DAB1: variants seen among roughly 807,000 people sequenced by gnomAD.
DAB1 encodes the protein disabled homolog 1.
DAB1 carries 15 observed loss-of-function variants against 64.6 expected under a neutral mutation model. The ratio of observed to expected loss-of-function variants is 0.23; its 90% CI spans 0.16 to 0.36. DAB1 has a LOEUF of 0.36. Among genes scored for constraint, DAB1 ranks in the 10% least tolerant of loss-of-function variants. The pLI, the probability that DAB1 is intolerant of heterozygous loss-of-function variation, is 1.00. For synonymous variants in DAB1, 235 were observed against 251.9 expected, an observed-to-expected ratio of 0.93 and a Z score of 0.64; for missense variants, 596 against 706.7, an observed-to-expected ratio of 0.84 and a Z score of 1.78.
At chr1:57,542,055 C>A (rs983242127) in intron 7 of DAB1, among the ~76,000 whole-genome samples, 1 of 152,148 alleles carries the variant, frequency 6.6e-6, no homozygotes, top group Non-Finnish European at 1.5e-5. Flanking sequence ...TCCCATTTTA[C>A]TAATGAGTTA....
intron 1 of DAB1, among the ~76,000 whole-genome samples, chr1:57,368,423 A>G (rs1680238237): frequency 6.6e-6 from 1 of 152,112 alleles, no homozygotes; most frequent in Admixed American, 6.5e-5. Flanking sequence ...GGGCCCACCC[A>G]TGGCCAACCA....
chr1:57,590,782 ACC>A (rs932086868), intron 7 of DAB1, among the ~76,000 whole-genome samples: 4 of 126,376 alleles, frequency 3.2e-5, no homozygotes, highest in African/African-American at 8.5e-5. Context: ...ACACACACAC[ACC>A]CCACTCACAT....
upstream of DAB1, among the ~76,000 whole-genome samples, chr1:57,886,693 A>C (rs912313652): frequency 6.6e-6 from 1 of 152,178 alleles, no homozygotes; most frequent in African/African-American, 2.4e-5. Context: ...TCTAAAGAGC[A>C]AAGATGCCAT....
intron 2 of DAB1, among the ~76,000 whole-genome samples, chr1:57,287,984 C>T (rs372878725): frequency 4.0e-5 from 6 of 151,732 alleles, no homozygotes; most frequent in African/African-American, 1.2e-4. Context: ...TTAGTAGAGA[C>T]GGGGTTTCAC....
intron 2 of DAB1, among the ~76,000 whole-genome samples, chr1:57,181,311 C>A (rs544182576): frequency 3.3e-5 from 5 of 152,146 alleles, no homozygotes; most frequent in African/African-American, 1.2e-4. Flanking sequence ...TCGGACTTGA[C>A]GGTCCTAAGA....
upstream of DAB1, among the ~76,000 whole-genome samples, chr1:57,887,028 A>G (rs113878299): frequency 3.9e-5 from 6 of 152,022 alleles, no homozygotes; most frequent in African/African-American, 1.2e-4. Context: ...TTTTTTTATC[A>G]CTACCTTACA....
chr1:57,518,599 C>A (rs142000240), intron 7 of DAB1, among the ~76,000 whole-genome samples: 1 of 152,278 alleles, frequency 6.6e-6, no homozygotes, highest in Non-Finnish European at 1.5e-5. Flanking sequence ...TTAAGCCTCA[C>A]AGCTTGTCCC....
At chr1:57,387,690 C>T (rs547925929) in intron 1 of DAB1, among the ~76,000 whole-genome samples, 24 of 152,022 alleles carry the variant, frequency 1.6e-4, no homozygotes, top group Admixed American at 9.2e-4. Flanking sequence ...AGCATGGTGG[C>T]GCACACCTGT....
At chr1:57,111,093 G>A (rs1362699364) in intron 4 of DAB1, among the ~76,000 whole-genome samples, 2 of 151,980 alleles carry the variant, frequency 1.3e-5, no homozygotes, top group Non-Finnish European at 2.9e-5. Context: ...AACCAGGGTA[G>A]GTCTCCAGGA....
At chr1:57,088,655 C>G (rs931300050) in intron 4 of DAB1, among the ~76,000 whole-genome samples, 7 of 152,158 alleles carry the variant, frequency 4.6e-5, no homozygotes, top group African/African-American at 9.7e-5. Flanking sequence ...TTCCCTGACT[C>G]TACTCAAGCT....
intron 1 of DAB1, among the ~76,000 whole-genome samples, chr1:57,848,749 G>A (rs1449781866): frequency 6.6e-6 from 1 of 152,216 alleles, no homozygotes; most frequent in African/African-American, 2.4e-5. Context: ...CCCAAATCCA[G>A]GTTAGTCTAG....
At chr1:57,583,271 T>G (rs1645335209) in intron 7 of DAB1, among the ~76,000 whole-genome samples, 1 of 151,046 alleles carries the variant, frequency 6.6e-6, no homozygotes, top group African/African-American at 2.4e-5. Flanking sequence ...GAGCCTCGGT[T>G]TCTTGTTTTT....
intron 7 of DAB1, among the ~76,000 whole-genome samples, chr1:57,433,196 A>C (rs998480452): frequency 2.0e-5 from 3 of 152,188 alleles, no homozygotes; most frequent in African/African-American, 7.2e-5. Flanking sequence ...CTTTTTGAAA[A>C]AACTGACAAG....
chr1:57,941,641 C>G (rs965297669), intron 5 of DAB1, among the ~76,000 whole-genome samples: 1 of 152,140 alleles, frequency 6.6e-6, no homozygotes, highest in African/African-American at 2.4e-5. Context: ...TCGAGACCAT[C>G]CTGGCTAACA....
chr1:58,434,814 C>T (rs1644923872), intron 3 of DAB1, among the ~76,000 whole-genome samples: 1 of 152,196 alleles, frequency 6.6e-6, no homozygotes, highest in African/African-American at 2.4e-5. Context: ...TCCCAGCTCA[C>T]TCACTTCCTT....
chr1:58,060,884 G>A (rs886319702), intron 5 of DAB1, among the ~76,000 whole-genome samples: 1 of 152,248 alleles, frequency 6.6e-6, no homozygotes, highest in African/African-American at 2.4e-5. Context: ...TTCCTCGGCA[G>A]GGGAATGCCA....
intron 5 of DAB1, among the ~76,000 whole-genome samples, chr1:57,934,414 GA>G (rs1325346386): frequency 6.6e-6 from 1 of 152,132 alleles, no homozygotes; most frequent in Non-Finnish European, 1.5e-5. Flanking sequence ...TAGAGAGTTA[GA>G]AAGAAAAGTT....
intron 6 of DAB1, among the ~76,000 whole-genome samples, chr1:57,759,159 G>A (rs1648955828): frequency 6.6e-6 from 1 of 151,754 alleles, no homozygotes; most frequent in Admixed American, 6.5e-5. Flanking sequence ...CAAGCAGGTG[G>A]CAGTTTCATC....
chr1:57,216,519 T>C (rs197599), intron 2 of DAB1, among the ~76,000 whole-genome samples: 13,646 of 152,192 alleles, frequency 0.09, 1,193 homozygotes, highest in African/African-American at 0.22. Context: ...TAAAACTTGT[T>C]ATTATCAAAT....
Sources: allele counts gnomAD v4.1 joint callset (sites outside exome capture counted in the v4.1 genomes callset), GRCh38; gene constraint gnomAD v4.1.1; transcripts MANE v1.5; gene names NCBI Gene and HGNC (gene_info 2026-07-23, HGNC 2026-07-21).